KCNQ1: variants seen among roughly 807,000 people sequenced by gnomAD.
The protein encoded by KCNQ1 is potassium voltage-gated channel subfamily KQT member 1.
A neutral mutation model predicts 72.4 loss-of-function variants in KCNQ1; 49 were observed. That is an observed-to-expected ratio of 0.68 (90% CI 0.54 to 0.86). The LOEUF is 0.86. KCNQ1 is among the 40% of genes least tolerant of loss of function. The pLI is 0.00. For missense variants in KCNQ1, 790 were observed against 945.1 expected, an observed-to-expected ratio of 0.84 and a Z score of 2.15; for synonymous variants, 450 against 412.6, an observed-to-expected ratio of 1.09 and a Z score of -1.10.
chr11:2,820,990 G>C (rs1261065701), intron 15 of KCNQ1, among the ~76,000 whole-genome samples: 2 of 152,228 alleles, frequency 1.3e-5, no homozygotes, highest in African/African-American at 4.8e-5. Context: ...GCTGTTTCTA[G>C]GCCCATCTAA....
chr11:2,667,354 G>A (rs1250195428), intron 11 of KCNQ1: 3 of 398,756 alleles, frequency 7.5e-6, no homozygotes, highest in African/African-American at 2.1e-5. Flanking sequence ...TCCTCTGCAA[G>A]GGAAAGGCCA....
In KCNQ1 at chr11:2,681,551, C is replaced by T. The variant is rs571417652; in HGVS notation, c.1514+19470C>T. On this transcript the variant is annotated intron_variant, in intron 11 of 15. Coordinates refer to ENST00000155840, the MANE Select transcript of KCNQ1 (RefSeq NM_000218.3). ...CCATGATGCCTGGAAGGAACTTACCCTTTTCTAGAGTAACTTCCCTTTTCA... is the reference window on the plus strand; with the variant it reads ...CCATGATGCCTGGAAGGAACTTACCTTTTTCTAGAGTAACTTCCCTTTTCA... 17 of 398,510 alleles carry T rather than the reference C, an allele frequency of 4.3e-5. No homozygotes were observed. In the South Asian group the frequency reaches 1.8e-3, roughly 42 times the overall value. 24.7% of individuals were successfully genotyped at this position (398,510 alleles called of 1,614,324 possible).
At chr11:2,453,298 G>A (rs936416477) in intron 1 of KCNQ1, among the ~76,000 whole-genome samples, 1 of 152,110 alleles carries the variant, frequency 6.6e-6, no homozygotes, top group Non-Finnish European at 1.5e-5. Flanking sequence ...ACTTGAACCC[G>A]GGAGGTGGAG....
intron 6 of KCNQ1, among the ~76,000 whole-genome samples, chr11:2,580,308 C>T (rs1191070053): frequency 6.6e-6 from 1 of 152,118 alleles, no homozygotes; most frequent in Admixed American, 6.5e-5. Flanking sequence ...CTTGGTGCCC[C>T]TGACGGAGAA....
chr11:2,455,191 A>G (rs1038098966), intron 1 of KCNQ1, among the ~76,000 whole-genome samples: 18 of 151,092 alleles, frequency 1.2e-4, no homozygotes, highest in South Asian at 2.1e-4. Flanking sequence ...TCTGCCTCCC[A>G]GGTTCACACC....
chr11:2,682,010 G>C lies in KCNQ1; in HGVS notation c.1514+19929G>C, dbSNP rs150144003. On this transcript the variant is annotated intron_variant, in intron 11 of 15. Coordinates refer to ENST00000155840, the MANE Select transcript of KCNQ1 (RefSeq NM_000218.3). This position sits in a 1 kb window ranked among gnomAD's most constrained non-coding sequence, Gnocchi z 5.8. ...CATCATTTCACTAATCCTCACAGCA[G>C]CTTTTAACACAAGAATATTATCACT... 178 of 398,554 alleles carry C rather than the reference G, an allele frequency of 4.5e-4. 2 individuals carry two copies. Among genetic ancestry groups the C allele is most frequent in the Middle Eastern group, 1.3e-3 (2 of 1,588 alleles). The allele number at this position is 398,554 out of a possible 1,614,324, so 24.7% of individuals were successfully genotyped here.
intron 2 of KCNQ1, among the ~76,000 whole-genome samples, chr11:2,531,151 G>A: frequency 6.6e-6 from 1 of 152,076 alleles, no homozygotes; most frequent in African/African-American, 2.4e-5. Context: ...ACCCAGGCTG[G>A]ACCTGCAGGG....
In KCNQ1 at chr11:2,445,189, G is replaced by A; in HGVS notation, c.91G>A (p.Ala31Thr). The change falls in exon 1 of 16, where the codon GCC becomes ACC. Residue 31 changes from alanine (A) to threonine (T), a missense_variant. Ala to Thr is a moderately conservative substitution (Grantham distance 58). Around this residue, in one of 5 missense-constraint regions of KCNQ1, gnomAD observed 294 missense variants for 323.3 expected, o/e 0.91. Transcript: ENST00000155840. Reference protein sequence around the residue: ...PGARRGSAGLAKKCPFSLELA... With the variant: ...PGARRGSAGLTKKCPFSLELA... ...CGCCCGGCGGGGCAGCGCGGGCCTG[G>A]CCAAGAAGTGCCCCTTCTCGCTGGA... is the stretch of plus-strand genomic sequence containing the variant. The A allele has an allele frequency of 1.7e-6, 2 of 1,147,910 alleles. No individual in the cohort carries two copies. The highest frequency in any genetic ancestry group is 4.1e-5 in the Admixed American group (1 of 24,160). The allele number at this position is 1,147,910 out of a possible 1,614,324, so 71.1% of individuals were successfully genotyped here. A position where few individuals can be genotyped will look rare whatever the true frequency, so the allele number is the denominator to read the frequency against.
Position 2,562,035 on chromosome 11 carries a change from C to T in KCNQ1, c.478-8593C>T, listed in dbSNP as rs1310191711. Among the ~76,000 whole-genome samples the T allele has an allele frequency of 6.6e-6, 1 of 152,304 alleles. No homozygotes were observed. The highest frequency in any genetic ancestry group is 2.1e-4 in the South Asian group (1 of 4,834). ...AAGGGGACACTTGGCAGGGGAGGGG[C>T]TGTGGCAGGGCAGGGTCATGTCCCC... is the stretch of plus-strand genomic sequence containing the variant. On this transcript the variant is annotated intron_variant, in intron 2 of 15. Coordinates refer to ENST00000155840, the MANE Select transcript of KCNQ1 (RefSeq NM_000218.3). The surrounding 1 kb of genome is among the most constrained non-coding windows in gnomAD (Gnocchi z 7.5).
chr11:2,477,850 A>G lies in KCNQ1; in HGVS notation c.386+32366A>G, dbSNP rs1302609426. On this transcript the variant is annotated intron_variant, in intron 1 of 15. Transcript: ENST00000155840. The surrounding 1 kb of genome is among the most constrained non-coding windows in gnomAD (Gnocchi z 5.0). ...GGGACACACCCATGTATATAAACAA[A>G]TAAGTGGAAGAAAGGAATCCAGTTC... Among the ~76,000 whole-genome samples the G allele has an allele frequency of 6.6e-6, 1 of 152,210 alleles. No homozygotes were observed. Among genetic ancestry groups the G allele is most frequent in the African/African-American group, 2.4e-5 (1 of 41,450 alleles).
At chr11:2,510,103 C>G (rs1003174092) in intron 1 of KCNQ1, among the ~76,000 whole-genome samples, 3 of 149,040 alleles carry the variant, frequency 2.0e-5, no homozygotes, top group African/African-American at 7.6e-5. Flanking sequence ...GACCCCATCT[C>G]TAAAAAAAAA....
At chr11:2,660,752 A>G (rs932148671) in intron 10 of KCNQ1, 5 of 398,528 alleles carry the variant, frequency 1.3e-5, no homozygotes, top group Non-Finnish European at 2.2e-5. Context: ...GATGTGGGAA[A>G]GCTGGGGGAG....
intron 10 of KCNQ1, chr11:2,640,232 C>A (rs941204978): frequency 2.5e-6 from 1 of 395,374 alleles, no homozygotes; most frequent in East Asian, 3.6e-5. Flanking sequence ...ACTGTCTTGA[C>A]GAGCCCCAGT....
intron 12 of KCNQ1, among the ~76,000 whole-genome samples, chr11:2,775,304 GCAACAAGCCTGGGAGCC>G (rs1341889338): frequency 6.6e-6 from 1 of 152,220 alleles, no homozygotes; most frequent in Admixed American, 6.5e-5. Context: ...CTTAGAGCTG[GCAACAAGCCTGGGAGCC>G]CTGGGGTCCC....
intron 11 of KCNQ1, among the ~76,000 whole-genome samples, chr11:2,733,121 A>G (rs1400683714): frequency 6.6e-6 from 1 of 151,710 alleles, no homozygotes; most frequent in African/African-American, 2.4e-5. Flanking sequence ...CCAGCCTTGC[A>G]CGTCTCCAGT....
chr11:2,577,255 G>A (rs759220469), intron 6 of KCNQ1, among the ~76,000 whole-genome samples: 3 of 152,226 alleles, frequency 2.0e-5, no homozygotes, highest in African/African-American at 2.4e-5. Context: ...AGTCAGGAGC[G>A]AGAAGCATGG....
rs1351808892 is a variant in KCNQ1 at position 2,759,324 on chromosome 11, C to T, written c.1515-9520C>T. Among the ~76,000 whole-genome samples the T allele has an allele frequency of 6.6e-6, 1 of 152,162 alleles. No homozygotes were observed. The highest frequency in any genetic ancestry group is 1.5e-5 in the Non-Finnish European group (1 of 68,018). ...GACGTAGAGTGACTTCAGTTTCCCT[C>T]TTCATGTCTCCTGGGTCCTCCAGCA... On this transcript the variant is annotated intron_variant, in intron 11 of 15. Transcript: ENST00000155840. The surrounding 1 kb of genome is among the most constrained non-coding windows in gnomAD (Gnocchi z 4.4).
chr11:2,722,696 G>T (rs1237355308), intron 11 of KCNQ1, among the ~76,000 whole-genome samples: 1 of 152,052 alleles, frequency 6.6e-6, no homozygotes, highest in Non-Finnish European at 1.5e-5. Context: ...TGGGAGTCAT[G>T]ACCTGTTTAG....
intron 10 of KCNQ1, chr11:2,622,104 T>C: frequency 2.5e-6 from 1 of 398,380 alleles, no homozygotes. Flanking sequence ...TTTTTAAGTT[T>C]CTGTTTTCAT....
Sources: allele counts gnomAD v4.1 joint callset (sites outside exome capture counted in the v4.1 genomes callset), GRCh38; gene constraint gnomAD v4.1.1; regional missense constraint gnomAD v4.1.1; non-coding constraint Gnocchi (gnomAD v3.1); transcripts MANE v1.5; gene names NCBI Gene and HGNC (gene_info 2026-07-23, HGNC 2026-07-21).